Variants in COG5 observed in about 807,000 individuals in gnomAD.
COG5 encodes conserved oligomeric Golgi complex subunit 5.
COG5 carries 86 observed loss-of-function variants against 110.4 expected under a neutral mutation model. The observed-to-expected ratio is 0.78, with a 90% CI of 0.65 to 0.93. The LOEUF is 0.93. Ranked by LOEUF, COG5 falls within the 40% of genes least tolerant of loss-of-function variation. COG5 has a pLI of 0.00. For missense variants in COG5, 1,077 were observed against 987.0 expected (o/e 1.09, Z -1.22); for synonymous variants, 360 against 334.6 (o/e 1.08, Z -0.83).
At chr7:107,511,839 TCAA>T (rs1327287233) in intron 6 of COG5, among the ~76,000 whole-genome samples, 1 of 152,142 alleles carries the variant, frequency 6.6e-6, no homozygotes, top group Non-Finnish European at 1.5e-5. Context: ...TTGACAAAAT[TCAA>T]CAACACTTCA....
At chr7:107,288,908 AT>A (rs1805893724) in intron 12 of COG5, among the ~76,000 whole-genome samples, 1 of 1,392 alleles carries the variant, frequency 7.2e-4, no homozygotes, top group Non-Finnish European at 3.1e-3. Flanking sequence ...TCTAACAGAG[AT>A]ATATATATAT....
At chr7:107,347,176 C>T (rs1375846404) in intron 10 of COG5, among the ~76,000 whole-genome samples, 1 of 152,078 alleles carries the variant, frequency 6.6e-6, no homozygotes, top group African/African-American at 2.4e-5. Flanking sequence ...TTCCTCCATC[C>T]CACCTGACAT....
At chr7:107,374,532 A>C (rs1018330285) in intron 7 of COG5, among the ~76,000 whole-genome samples, 2 of 152,056 alleles carry the variant, frequency 1.3e-5, no homozygotes, top group African/African-American at 4.8e-5. Flanking sequence ...ACAACTAAAA[A>C]ACACTTAAAT....
At chr7:107,311,177 G>A (rs992013057) in intron 11 of COG5, among the ~76,000 whole-genome samples, 1 of 152,014 alleles carries the variant, frequency 6.6e-6, no homozygotes, top group Non-Finnish European at 1.5e-5. Flanking sequence ...TAATTTTGTT[G>A]AGAACTCACA....
At chr7:107,235,264 C>A (rs1401914016) in intron 18 of COG5, among the ~76,000 whole-genome samples, 1 of 152,154 alleles carries the variant, frequency 6.6e-6, no homozygotes, top group Non-Finnish European at 1.5e-5. Context: ...AATAATGAAG[C>A]AAGACACACT....
intron 14 of COG5, among the ~76,000 whole-genome samples, chr7:107,259,735 A>G (rs62483639): frequency 0.072 from 10,923 of 152,250 alleles, 525 homozygotes; most frequent in East Asian, 0.15. Flanking sequence ...GAAATGGGAA[A>G]GGGGAAGAAT....
intron 11 of COG5, among the ~76,000 whole-genome samples, chr7:107,314,346 T>C (rs563168535): frequency 9.2e-5 from 14 of 152,302 alleles, no homozygotes; most frequent in Admixed American, 9.1e-4. Flanking sequence ...ATCTTAGTTA[T>C]ACAGATGTTT....
At chr7:107,281,599 A>G (rs1166616814) in intron 13 of COG5, among the ~76,000 whole-genome samples, 200 bp from the exon 14 acceptor site, 1 of 152,162 alleles carries the variant, frequency 6.6e-6, no homozygotes, top group Non-Finnish European at 1.5e-5. Context: ...GGCTTCCTTA[A>G]TGACCAGTTT....
At position 107,389,510 on chromosome 7, in the gene COG5, C is replaced by A. The variant is rs1584762442; in HGVS notation, c.670-16750G>T. Among the ~76,000 whole-genome samples, 4 of 152,200 alleles carry A rather than the reference C, an allele frequency of 2.6e-5. 1 individual carries two copies. In the South Asian group the frequency reaches 8.3e-4, roughly 31 times the overall value. On this transcript the variant is annotated intron_variant, in intron 7 of 21. Transcript: ENST00000297135. The stretch of plus-strand genomic sequence containing the variant: ...GCAGGTGGCCTCAAACCAGGTAATA[C>A]AATCAATGCCGCTTTCCCAAACATT...
At chr7:107,433,266 A>T (rs1794147215) in intron 6 of COG5, among the ~76,000 whole-genome samples, 1 of 152,200 alleles carries the variant, frequency 6.6e-6, no homozygotes, top group African/African-American at 2.4e-5. Flanking sequence ...AATACTACCC[A>T]AATTGATCTA....
At chr7:107,311,794 T>C (rs1406261500) in intron 11 of COG5, among the ~76,000 whole-genome samples, 1 of 152,060 alleles carries the variant, frequency 6.6e-6, no homozygotes, top group Non-Finnish European at 1.5e-5. Flanking sequence ...TAATTAAAAA[T>C]TTTTTTTCTA....
intron 14 of COG5, among the ~76,000 whole-genome samples, chr7:107,276,595 A>G (rs1804719389): frequency 1.3e-5 from 2 of 152,148 alleles, no homozygotes; most frequent in Non-Finnish European, 2.9e-5. Context: ...AGAGGTTGCA[A>G]TGAGCCATGA....
At position 107,362,016 on chromosome 7, in the gene COG5, T is replaced by C. The variant is rs1813160101; in HGVS notation, c.1026+17A>G. On this transcript the variant is annotated intron_variant, in intron 10 of 21. Coordinates refer to ENST00000297135, the MANE Select transcript of COG5 (RefSeq NM_006348.5). Reference sequence around the variant, plus strand: ...TTTGTACAAGAAAGATGTAAAAATATTTTCCTTTAAACATACCTTAACTAT... The same window carrying C: ...TTTGTACAAGAAAGATGTAAAAATACTTTCCTTTAAACATACCTTAACTAT... The C allele has an allele frequency of 1.3e-6, 2 of 1,521,568 alleles. No individual in the cohort carries two copies. The highest frequency in any genetic ancestry group is 1.7e-4 in the Middle Eastern group (1 of 5,892). 94.3% of individuals were successfully genotyped at this position (1,521,568 alleles called of 1,614,324 possible). A position where few individuals can be genotyped will look rare whatever the true frequency, so the allele number is the denominator to read the frequency against.
intron 6 of COG5, among the ~76,000 whole-genome samples, chr7:107,444,653 T>C (rs1794902649): frequency 6.6e-6 from 1 of 152,200 alleles, no homozygotes; most frequent in Admixed American, 6.5e-5. Context: ...CTCTTAGTTT[T>C]ACATATCCCA....
chr7:107,459,984 T>C (rs1795890458), intron 6 of COG5, among the ~76,000 whole-genome samples: 1 of 152,152 alleles, frequency 6.6e-6, no homozygotes, highest in Non-Finnish European at 1.5e-5. Context: ...ACTGAGCCAT[T>C]AAACTAACCT....
At chr7:107,357,655 TTCTC>T (rs1480281188) in intron 10 of COG5, among the ~76,000 whole-genome samples, 3 of 152,090 alleles carry the variant, frequency 2.0e-5, no homozygotes, top group Admixed American at 6.5e-5. Flanking sequence ...TGCATTTTCT[TTCTC>T]TCTTTCTCTC....
chr7:107,299,374 TGAA>T (rs1807043801), intron 11 of COG5, among the ~76,000 whole-genome samples: 1 of 152,128 alleles, frequency 6.6e-6, no homozygotes, highest in Non-Finnish European at 1.5e-5. Flanking sequence ...CTGCAGATAC[TGAA>T]AGGGTAATAA....
At chr7:107,481,797 C>G (rs999896412) in intron 6 of COG5, among the ~76,000 whole-genome samples, 3 of 152,014 alleles carry the variant, frequency 2.0e-5, no homozygotes, top group Non-Finnish European at 4.4e-5. Context: ...CTGTAGCTAC[C>G]TACTTTATAA....
At chr7:107,238,915 T>A (rs1050067930) in intron 17 of COG5, among the ~76,000 whole-genome samples, 7 of 152,340 alleles carry the variant, frequency 4.6e-5, no homozygotes, top group Admixed American at 4.6e-4. Flanking sequence ...GTATGGCTTG[T>A]AAGTATTTTC....
Sources: gnomAD v4.1 joint callset for allele counts (sites outside exome capture counted in the v4.1 genomes callset) on GRCh38, gnomAD v4.1.1 for gene constraint, MANE v1.5 for transcripts, NCBI Gene and HGNC (gene_info 2026-07-23, HGNC 2026-07-21) for gene names.